The following EFCAB11 variants were observed in gnomAD, a reference collection of about 807,000 sequenced individuals.
EFCAB11 encodes the protein EF-hand calcium binding domain 11.
In EFCAB11, 14 loss-of-function variants were observed where a neutral mutation model predicts 23.0. The ratio of observed to expected loss-of-function variants is 0.61; its 90% CI spans 0.40 to 0.95. The LOEUF (loss-of-function observed/expected upper bound fraction) is 0.95. Ranked by LOEUF, EFCAB11 falls within the 40% of genes least tolerant of loss-of-function variation. The pLI is 0.00. For missense variants in EFCAB11, 198 were observed against 195.8 expected (o/e 1.01, Z -0.07); for synonymous variants, 65 against 66.6 (o/e 0.98, Z 0.11).
intron 5 of EFCAB11, chr14:89,924,196 T>A: frequency 1.0e-6 from 1 of 985,808 alleles, no homozygotes; most frequent in Non-Finnish European, 1.2e-6. Context: ...ATTTCTAATA[T>A]TCAAAAAAGG....
intron 5 of EFCAB11, among the ~76,000 whole-genome samples, chr14:89,852,518 A>G (rs1237268366): frequency 6.6e-6 from 1 of 152,200 alleles, no homozygotes; most frequent in East Asian, 1.9e-4. Flanking sequence ...AATGGCCTCA[A>G]TCTCCATCTG....
rs554200053 is a variant in EFCAB11, at chr14:89,828,615, G to A, written c.411-31291C>T. On this transcript the variant is annotated intron_variant, in intron 5 of 5. Coordinates refer to ENST00000316738, the MANE Select transcript of EFCAB11 (RefSeq NM_145231.4). Reference sequence around the variant, plus strand: ...GTTTTTTGTATGTACTGGCTATGAAGCAATGAGACCATCAGAACTTATGGG... The same window carrying A: ...GTTTTTTGTATGTACTGGCTATGAAACAATGAGACCATCAGAACTTATGGG... Among the ~76,000 whole-genome samples the A allele has an allele frequency of 1.1e-4, 17 of 152,248 alleles. No homozygotes were observed. In the South Asian group the frequency reaches 3.5e-3, roughly 32 times the overall value.
At chr14:89,936,175 G>A (rs1039502367) in intron 3 of EFCAB11, among the ~76,000 whole-genome samples, 11 of 152,186 alleles carry the variant, frequency 7.2e-5, no homozygotes, top group African/African-American at 1.7e-4. Context: ...AAAATTCAGA[G>A]AGAACTACAT....
chr14:89,856,084 C>T (rs971709864), intron 5 of EFCAB11, among the ~76,000 whole-genome samples: 2 of 152,068 alleles, frequency 1.3e-5, no homozygotes, highest in African/African-American at 4.8e-5. Context: ...CTGCAATTAT[C>T]GGCAGATATC....
At chr14:89,889,396 C>T (rs1220740797) in intron 5 of EFCAB11, among the ~76,000 whole-genome samples, 1 of 152,190 alleles carries the variant, frequency 6.6e-6, no homozygotes, top group Non-Finnish European at 1.5e-5. Flanking sequence ...TCCCTCAGTT[C>T]CCCATCTATG....
At chr14:89,817,791 C>A (rs571030103) in intron 5 of EFCAB11, among the ~76,000 whole-genome samples, 21 of 152,178 alleles carry the variant, frequency 1.4e-4, no homozygotes, top group Admixed American at 3.9e-4. Context: ...GTCAGGAATT[C>A]GAGACCAGCC....
At chr14:89,814,815 T>G (rs1886276719) in intron 5 of EFCAB11, among the ~76,000 whole-genome samples, 1 of 152,158 alleles carries the variant, frequency 6.6e-6, no homozygotes, top group Non-Finnish European at 1.5e-5. Context: ...GGTCTCTGGA[T>G]TCATGGCACA....
intron 5 of EFCAB11, among the ~76,000 whole-genome samples, chr14:89,820,918 A>G (rs1336436342): frequency 2.6e-5 from 4 of 151,844 alleles, no homozygotes; most frequent in Non-Finnish European, 4.4e-5. Flanking sequence ...TATACATAAT[A>G]ACATATATAT....
At chr14:89,821,121 C>G (rs1481166520) in intron 5 of EFCAB11, among the ~76,000 whole-genome samples, 1 of 152,084 alleles carries the variant, frequency 6.6e-6, no homozygotes, top group Non-Finnish European at 1.5e-5. Flanking sequence ...CTTGGCCTCC[C>G]AAAGTGCTGG....
intron 5 of EFCAB11, among the ~76,000 whole-genome samples, chr14:89,906,478 T>C (rs1889504760): frequency 6.6e-6 from 1 of 152,174 alleles, no homozygotes; most frequent in Non-Finnish European, 1.5e-5. Context: ...TGCAACTCAT[T>C]GAAACTAGTA....
chr14:89,828,705 A>G (rs1171896406), intron 5 of EFCAB11, among the ~76,000 whole-genome samples: 1 of 152,248 alleles, frequency 6.6e-6, no homozygotes, highest in African/African-American at 2.4e-5. Flanking sequence ...ATATTGGATT[A>G]AATAGCTTAT....
chr14:89,835,979 A>C (rs1018444392), intron 5 of EFCAB11, among the ~76,000 whole-genome samples: 1 of 152,116 alleles, frequency 6.6e-6, no homozygotes, highest in African/African-American at 2.4e-5. Flanking sequence ...GTAAAGCAAG[A>C]AGATGGAGAG....
At chr14:89,927,029 C>T (rs1220591930) in intron 5 of EFCAB11, among the ~76,000 whole-genome samples, 1 of 152,144 alleles carries the variant, frequency 6.6e-6, no homozygotes, top group African/African-American at 2.4e-5. Flanking sequence ...AAGTAAACAT[C>T]ACCAGAATAC....
chr14:89,950,352 C>G (rs1488158869), intron 2 of EFCAB11, among the ~76,000 whole-genome samples: 3 of 152,128 alleles, frequency 2.0e-5, no homozygotes, highest in Non-Finnish European at 4.4e-5. Flanking sequence ...CTGCTAGTCC[C>G]TAATAGCCCC....
intron 3 of EFCAB11, among the ~76,000 whole-genome samples, chr14:89,942,156 T>C (rs1890817615): frequency 6.6e-6 from 1 of 152,210 alleles, no homozygotes; most frequent in Admixed American, 6.5e-5. Flanking sequence ...GTTAAGTCTG[T>C]GGAACTGTGA....
At chr14:89,885,615 T>A (rs565030193) in intron 5 of EFCAB11, among the ~76,000 whole-genome samples, 4 of 150,074 alleles carry the variant, frequency 2.7e-5, no homozygotes, top group African/African-American at 9.9e-5. Flanking sequence ...AGGTGGAGGT[T>A]GCAGTGAGCT....
intron 5 of EFCAB11, among the ~76,000 whole-genome samples, chr14:89,859,979 C>G (rs1887871575): frequency 6.6e-6 from 1 of 152,322 alleles, no homozygotes; most frequent in Non-Finnish European, 1.5e-5. Context: ...GATCTCCTCA[C>G]AGTCAAGCCC....
chr14:89,851,544 T>C (rs755225705), intron 5 of EFCAB11, among the ~76,000 whole-genome samples: 6 of 152,210 alleles, frequency 3.9e-5, no homozygotes, highest in Admixed American at 6.5e-5. Flanking sequence ...AGGGTAATCA[T>C]AGGATCTTTG....
intron 5 of EFCAB11, among the ~76,000 whole-genome samples, chr14:89,884,821 T>C (rs1049346629): frequency 6.6e-6 from 1 of 152,218 alleles, no homozygotes; most frequent in African/African-American, 2.4e-5. Flanking sequence ...AATTAGGTCA[T>C]GAGAGTGGGA....
Sources: allele counts gnomAD v4.1 joint callset (sites outside exome capture counted in the v4.1 genomes callset), GRCh38; gene constraint gnomAD v4.1.1; transcripts MANE v1.5; gene names NCBI Gene and HGNC (gene_info 2026-07-23, HGNC 2026-07-21).